Variants in ZDHHC11 observed in about 807,000 individuals in gnomAD.
ZDHHC11 encodes the protein zDHHC palmitoyltransferase 11.
Under a neutral mutation model 51.3 loss-of-function variants are expected in ZDHHC11, and 44 were observed. The observed-to-expected ratio is 0.86, with a 90% CI of 0.67 to 1.10. The LOEUF is 1.10. Ranked by LOEUF, ZDHHC11 falls within the 50% of genes least tolerant of loss-of-function variation. ZDHHC11 has a pLI of 0.00. For synonymous variants in ZDHHC11, 163 were observed against 222.0 expected (o/e 0.73, Z 2.36); for missense variants, 400 against 537.7 (o/e 0.74, Z 2.53).
chr5:838,555 A>C (rs1357575705), intron 5 of ZDHHC11, among the ~76,000 whole-genome samples: 6 of 152,020 alleles, frequency 3.9e-5, no homozygotes, highest in African/African-American at 4.8e-5. Context: ...GGTAGAGAAG[A>C]AGCTCCTGGA....
At chr5:828,215 C>A (rs1165317454) in intron 7 of ZDHHC11, among the ~76,000 whole-genome samples, 5 of 151,496 alleles carry the variant, frequency 3.3e-5, no homozygotes, top group Non-Finnish European at 5.9e-5. Context: ...ACAAAACCGC[C>A]ATTGTCATCA....
At chr5:849,957 C>CT (rs144054557) in intron 1 of ZDHHC11, among the ~76,000 whole-genome samples, 8,529 of 152,334 alleles carry the variant, frequency 0.056, 263 homozygotes, top group African/African-American at 0.084. Flanking sequence ...CAGAGGCCCT[C>CT]GCAGTGTGGC....
At chr5:800,706 C>CAGGG (rs1738292691) in intron 12 of ZDHHC11, among the ~76,000 whole-genome samples, 1 of 151,286 alleles carries the variant, frequency 6.6e-6, no homozygotes, top group South Asian at 2.1e-4. Context: ...AAGCAGAAAG[C>CAGGG]AGGGATAGGT....
At chr5:814,379 T>C (rs893661941) in intron 11 of ZDHHC11, among the ~76,000 whole-genome samples, 1 of 151,252 alleles carries the variant, frequency 6.6e-6, no homozygotes, top group Non-Finnish European at 1.5e-5. Context: ...AATTGTGCAG[T>C]GTTGGGGCAG....
intron 1 of ZDHHC11, among the ~76,000 whole-genome samples, chr5:858,457 G>A (rs1260960730): frequency 6.6e-6 from 1 of 152,042 alleles, no homozygotes. Context: ...TCCCCATCCT[G>A]TCTTTATGAC....
intron 1 of ZDHHC11, among the ~76,000 whole-genome samples, chr5:856,169 C>T (rs148656760): frequency 6.6e-6 from 1 of 152,120 alleles, no homozygotes; most frequent in African/African-American, 2.4e-5. Context: ...ACACCATATA[C>T]CACACAGACC....
chr5:855,103 C>G (rs1328815419), upstream of ZDHHC11, among the ~76,000 whole-genome samples: 1 of 139,748 alleles, frequency 7.2e-6, no homozygotes, highest in African/African-American at 2.7e-5. Flanking sequence ...ACAGACCCCA[C>G]GGAGGACAGC....
intron 12 of ZDHHC11, among the ~76,000 whole-genome samples, chr5:799,154 C>G (rs1307614843): frequency 1.3e-5 from 2 of 150,892 alleles, no homozygotes; most frequent in Admixed American, 6.6e-5. Flanking sequence ...CCCCTATGAA[C>G]AGATTAATGC....
At position 799,916 on chromosome 5, in the gene ZDHHC11, A is replaced by G. The variant is rs1579514300; in HGVS notation, c.*7+1184T>C. Among the ~76,000 whole-genome samples the G allele has an allele frequency of 4.6e-5, 7 of 151,372 alleles. No homozygotes were observed. In the South Asian group the frequency reaches 1.5e-3, roughly 32 times the overall value. On this transcript the variant is annotated intron_variant, in intron 12 of 12. Transcript: ENST00000283441. ...GTCTTCTCATCTCAACTTGTCTCCA[A>G]TTATGATTTTGACTCCTGCCTCATG...
chr5:835,703 T>C (rs1451284490), intron 6 of ZDHHC11, among the ~76,000 whole-genome samples: 1 of 152,030 alleles, frequency 6.6e-6, no homozygotes, highest in East Asian at 1.9e-4. Context: ...ATTGCCCTTT[T>C]AATAGTATTT....
intron 5 of ZDHHC11, 111 bp from the exon 6 acceptor site, chr5:837,591 G>A (rs1221639356): frequency 3.3e-6 from 4 of 1,203,812 alleles, no homozygotes; most frequent in Non-Finnish European, 4.8e-6. Context: ...CCCCTGCACA[G>A]GGAGAACTGC....
intron 3 of ZDHHC11, among the ~76,000 whole-genome samples, chr5:844,033 G>GGT (rs1561293595): frequency 7.5e-5 from 11 of 146,194 alleles, no homozygotes; most frequent in African/African-American, 2.1e-4. Flanking sequence ...AGGTGTGGGG[G>GGT]GCGCAGGGGT....
chr5:824,284 T>C (rs1741976817), intron 8 of ZDHHC11, among the ~76,000 whole-genome samples: 1 of 147,392 alleles, frequency 6.8e-6, no homozygotes, highest in East Asian at 2.0e-4. Context: ...TAGAGTGAGA[T>C]CCCATCTCTT....
At chr5:857,211 C>G (rs1188586121) in intron 1 of ZDHHC11, among the ~76,000 whole-genome samples, 1 of 152,216 alleles carries the variant, frequency 6.6e-6, no homozygotes, top group African/African-American at 2.4e-5. Context: ...ACAACCGGAC[C>G]GATGCCCGGG....
At chr5:838,281 G>A (rs549677286) in intron 5 of ZDHHC11, among the ~76,000 whole-genome samples, 67 of 152,096 alleles carry the variant, frequency 4.4e-4, no homozygotes, top group African/African-American at 1.3e-3. Flanking sequence ...TAAAAGAGCC[G>A]TCTTAACAAA....
intron 6 of ZDHHC11, among the ~76,000 whole-genome samples, chr5:834,820 T>C (rs1463911107): frequency 6.6e-6 from 1 of 152,010 alleles, no homozygotes; most frequent in African/African-American, 2.4e-5. Context: ...AGACACATAG[T>C]TTTTAGACAT....
At chr5:804,992 CT>C (rs1472658658) in intron 11 of ZDHHC11, among the ~76,000 whole-genome samples, 4 of 151,228 alleles carry the variant, frequency 2.6e-5, no homozygotes, top group African/African-American at 9.7e-5. Flanking sequence ...GTTTGTAACT[CT>C]TTTTTTCTAT....
intron 11 of ZDHHC11, among the ~76,000 whole-genome samples, chr5:801,544 T>C (rs551316695): frequency 2.0e-5 from 3 of 151,588 alleles, no homozygotes; most frequent in Non-Finnish European, 4.4e-5. Flanking sequence ...TCTTGCTTGA[T>C]TGTGATGAGT....
intron 1 of ZDHHC11, among the ~76,000 whole-genome samples, chr5:856,443 C>T (rs1358740882): frequency 1.3e-5 from 2 of 150,976 alleles, no homozygotes; most frequent in African/African-American, 4.9e-5. Context: ...ACACATCATA[C>T]AGATTACACA....
Sources: allele counts gnomAD v4.1 joint callset (sites outside exome capture counted in the v4.1 genomes callset), GRCh38; gene constraint gnomAD v4.1.1; transcripts MANE v1.5; gene names NCBI Gene and HGNC (gene_info 2026-07-23, HGNC 2026-07-21).